Variants in HSD17B4 observed in about 807,000 individuals in gnomAD.
The protein encoded by HSD17B4 is peroxisomal multifunctional enzyme type 2.
A neutral mutation model predicts 101.0 loss-of-function variants in HSD17B4; 70 were observed. That is an observed-to-expected ratio of 0.69 (90% confidence interval 0.57 to 0.85). The LOEUF (loss-of-function observed/expected upper bound fraction) is 0.85, where lower values mean the gene tolerates loss of function less well. Among genes scored for constraint, HSD17B4 ranks in the 40% least tolerant of loss-of-function variants. HSD17B4 has a pLI of 0.00. For synonymous variants in HSD17B4, 347 were observed against 297.1 expected (o/e 1.17, Z -1.73); for missense variants, 984 against 892.4 (o/e 1.10, Z -1.31).
At chr5:119,526,117 T>C (rs1278079407) in intron 19 of HSD17B4, 94 bp downstream of exon 19, 5 of 783,226 alleles carry the variant, frequency 6.4e-6, no homozygotes, top group South Asian at 1.4e-5. Context: ...AAAATAGATA[T>C]TGTACTACAG....
chr5:119,518,250 G>C (rs1377780013), intron 17 of HSD17B4, among the ~76,000 whole-genome samples: 1 of 151,910 alleles, frequency 6.6e-6, no homozygotes, highest in Non-Finnish European at 1.5e-5. Flanking sequence ...CTCCAGACGT[G>C]CTGCCTTAAG....
chr5:119,511,811 AATCT>A (rs1163521576), intron 16 of HSD17B4, among the ~76,000 whole-genome samples: 1 of 152,250 alleles, frequency 6.6e-6, no homozygotes, highest in African/African-American at 2.4e-5. Flanking sequence ...GAGTTGTTAT[AATCT>A]ATTATCTGAA....
At chr5:119,534,009 A>G (rs981856622) in intron 22 of HSD17B4, among the ~76,000 whole-genome samples, 2 of 152,098 alleles carry the variant, frequency 1.3e-5, no homozygotes, top group Non-Finnish European at 2.9e-5. Context: ...TGTATCCAAT[A>G]CCTGTAAAAT....
intron 2 of HSD17B4, among the ~76,000 whole-genome samples, chr5:119,460,122 G>A (rs1211485865): frequency 2.0e-5 from 3 of 151,028 alleles, no homozygotes; most frequent in South Asian, 4.2e-4. Flanking sequence ...TGATCCGCCC[G>A]CCTCGGCCTC....
intron 8 of HSD17B4, among the ~76,000 whole-genome samples, chr5:119,480,406 G>A (rs1402803720): frequency 6.6e-6 from 1 of 152,086 alleles, no homozygotes; most frequent in African/African-American, 2.4e-5. Context: ...GTGTCCAGGG[G>A]AGACATCACA....
intron 15 of HSD17B4, 48 bp downstream of exon 15, chr5:119,506,937 T>G (rs1179947176): frequency 1.0e-6 from 1 of 966,056 alleles, no homozygotes; most frequent in South Asian, 1.3e-5. Flanking sequence ...TTGATAGGCT[T>G]TGTGTATGAC....
At chr5:119,531,238 T>A (rs528011834) in intron 21 of HSD17B4, 28 bp from the exon 22 acceptor site, 1 of 1,611,898 alleles carries the variant, frequency 6.2e-7, no homozygotes, top group East Asian at 2.2e-5. Context: ...TACAGAACTT[T>A]TAAAGTTTAT....
chr5:119,513,653 T>C (rs1350095768), intron 16 of HSD17B4, among the ~76,000 whole-genome samples: 1 of 152,206 alleles, frequency 6.6e-6, no homozygotes, highest in Non-Finnish European at 1.5e-5. Flanking sequence ...CTGTATGTTC[T>C]TTTTAATATT....
At position 119,508,026 on chromosome 5, in the gene HSD17B4, T is replaced by TCCA. The variant is rs1751818929; in HGVS notation, c.1334-1115_1334-1114insCCA. ...ATATGCTGTTTTGGAACTTGCTTTA[T>TCCA]TTTTGCTTAATAATCAATTGAGAAC... On this transcript the variant is annotated intron_variant, in intron 15 of 23. Coordinates refer to ENST00000510025, the MANE Select transcript of HSD17B4 (RefSeq NM_000414.4). Among the ~76,000 whole-genome samples, 3 of 152,272 alleles carry TCCA rather than the reference T, an allele frequency of 2.0e-5. No homozygotes were observed. In the East Asian group the frequency reaches 5.8e-4, roughly 29 times the overall value.
intron 8 of HSD17B4, among the ~76,000 whole-genome samples, chr5:119,488,987 C>A (rs1030953967): frequency 2.0e-5 from 3 of 152,086 alleles, no homozygotes; most frequent in African/African-American, 4.8e-5. Context: ...CTGATACTTA[C>A]AATTTTAGAA....
At chr5:119,458,144 G>A (rs1215068737) in intron 2 of HSD17B4, among the ~76,000 whole-genome samples, 1 of 152,136 alleles carries the variant, frequency 6.6e-6, no homozygotes, top group African/African-American at 2.4e-5. Context: ...AAAAGTCCAA[G>A]AATATAGAAG....
chr5:119,466,386 G>T lies in HSD17B4; in HGVS notation c.113-7522G>T, dbSNP rs370126702. 8.6e-4 allele frequency among the ~76,000 whole-genome samples: 131 copies of T among 152,260 alleles called. 1 individual carries two copies. Among genetic ancestry groups the T allele is most frequent in the African/African-American group, 2.9e-3 (119 of 41,558 alleles). On this transcript the variant is annotated intron_variant, in intron 2 of 23. Coordinates refer to ENST00000510025, the MANE Select transcript of HSD17B4 (RefSeq NM_000414.4). ...TTTTGAAATAGTTTGAGAGGAATTT[G>T]TATTAGTTCTTTAAATGTTTGGTAA...
At chr5:119,455,156 C>T (rs1754484016) in intron 1 of HSD17B4, among the ~76,000 whole-genome samples, 1 of 152,202 alleles carries the variant, frequency 6.6e-6, no homozygotes, top group South Asian at 2.1e-4. Flanking sequence ...ATAGTTCTGT[C>T]CTCCAGAGGT....
intron 9 of HSD17B4, among the ~76,000 whole-genome samples, chr5:119,489,672 T>G (rs1749919834): frequency 6.6e-6 from 1 of 152,156 alleles, no homozygotes; most frequent in African/African-American, 2.4e-5. Flanking sequence ...TCTGGGGCTT[T>G]CTTGTGACAA....
At chr5:119,515,970 A>G (rs910006523) in intron 17 of HSD17B4, among the ~76,000 whole-genome samples, 4 of 152,156 alleles carry the variant, frequency 2.6e-5, no homozygotes, top group Non-Finnish European at 5.9e-5. Flanking sequence ...ATGACACACA[A>G]TTATCTATGT....
At chr5:119,465,031 T>TC (rs55797550) in intron 2 of HSD17B4, among the ~76,000 whole-genome samples, 14 of 152,172 alleles carry the variant, frequency 9.2e-5, no homozygotes, top group Non-Finnish European at 1.5e-4. Flanking sequence ...TTTTTTTTTT[T>TC]CTGTTTCTTT....
chr5:119,481,358 T>G (rs1749113918), intron 8 of HSD17B4, among the ~76,000 whole-genome samples: 1 of 152,164 alleles, frequency 6.6e-6, no homozygotes, highest in Admixed American at 6.6e-5. Context: ...CCTCAACACC[T>G]TGTCTTTCTA....
chr5:119,517,697 T>A (rs899439782), intron 17 of HSD17B4, among the ~76,000 whole-genome samples: 4 of 152,230 alleles, frequency 2.6e-5, no homozygotes, highest in Non-Finnish European at 5.9e-5. Flanking sequence ...GGTTTGTGAA[T>A]GCACCAGTGG....
chr5:119,499,264 A>C lies in HSD17B4; in HGVS notation c.973-53A>C, dbSNP rs999647158. On this transcript the variant is annotated intron_variant, in intron 12 of 23. Coordinates refer to ENST00000510025, the MANE Select transcript of HSD17B4 (RefSeq NM_000414.4). ...ACAAAACTAGGTATGTAAGAAGTTAATAGTTTTGAAAAGTTATCAATGAAA... is the reference window on the plus strand; with the variant it reads ...ACAAAACTAGGTATGTAAGAAGTTACTAGTTTTGAAAAGTTATCAATGAAA... The C allele has an allele frequency of 3.2e-6, 4 of 1,232,082 alleles. No homozygotes were observed. The African/African-American group carries it at 6.0e-5, about 18-fold the overall frequency. 76.3% of individuals were successfully genotyped at this position (1,232,082 alleles called of 1,614,324 possible). A position where few individuals can be genotyped will look rare whatever the true frequency, so the allele number is the denominator to read the frequency against.
Sources: allele counts gnomAD v4.1 joint callset (sites outside exome capture counted in the v4.1 genomes callset), GRCh38; gene constraint gnomAD v4.1.1; transcripts MANE v1.5; gene names NCBI Gene and HGNC (gene_info 2026-07-23, HGNC 2026-07-21).